WDR35: variants seen among roughly 807,000 people sequenced by gnomAD.
WDR35 encodes the protein WD repeat-containing protein 35.
A neutral mutation model predicts 158.3 loss-of-function variants in WDR35; 118 were observed. That is an observed-to-expected ratio of 0.75 (90% CI 0.64 to 0.87). WDR35 has a LOEUF of 0.87. WDR35 is among the 40% of genes least tolerant of loss of function. The pLI is 0.00. For synonymous variants in WDR35, 448 were observed against 476.1 expected, an observed-to-expected ratio of 0.94 and a Z score of 0.77; for missense variants, 1,263 against 1,405.8, an observed-to-expected ratio of 0.90 and a Z score of 1.62.
At chr2:19,952,781 C>CTTTTTTTTTTT (rs773596785) in intron 12 of WDR35, among the ~76,000 whole-genome samples, 2 of 86,266 alleles carry the variant, frequency 2.3e-5, no homozygotes, top group African/African-American at 4.6e-5. Context: ...ACTCAACATA[C>CTTTTTTTTTTT]TTTTTTTTTT....
rs776693905 is a variant in WDR35, at chr2:19,931,405, G to A, written c.2828C>T (p.Ala943Val). The A allele has an allele frequency of 1.7e-5, 27 of 1,612,884 alleles. No individual in the cohort carries two copies. The highest frequency in any genetic ancestry group is 1.5e-4 in the Admixed American group (9 of 59,976). ...FDAAKLMFKI[A>V]DEEAKKGSKP... The stretch of plus-strand genomic sequence containing the variant: ...ACTTCCTTTCTTTGCCTCTTCATCT[G>A]CAATCTTAAACATTTTTCAAAATTG... Residue 943 changes from alanine (A) to valine (V), a missense_variant, in exon 24 of 27, where the codon GCA becomes GTA. By Grantham distance (64) the Ala-to-Val change is moderately conservative. Transcript: ENST00000281405.
rs1400803073 is a variant in WDR35 at position 19,943,722 on chromosome 2, C to CA, written c.1846-1884dup. Among the ~76,000 whole-genome samples, 3 of 151,970 alleles carry CA rather than the reference C, an allele frequency of 2.0e-5. No homozygotes were observed. In the East Asian group the frequency reaches 5.8e-4, roughly 29 times the overall value. On this transcript the variant is annotated intron_variant, in intron 16 of 26. Transcript: ENST00000281405. ...GAGAAGGAAGAGCCAAGAAAAAGAA[C>CA]AAAACAGCGCAATCAGTACCTTCAG...
intron 9 of WDR35, among the ~76,000 whole-genome samples, chr2:19,967,712 A>G (rs1406761985): frequency 6.6e-6 from 1 of 152,130 alleles, no homozygotes. Flanking sequence ...ACTTTCTAAA[A>G]TAAGTTTTTT....
chr2:19,978,054 C>T (rs2045779), intron 5 of WDR35, among the ~76,000 whole-genome samples: 67,862 of 151,786 alleles, frequency 0.45, 15,357 homozygotes, highest in East Asian at 0.64. Context: ...TCACAGGATA[C>T]TGTAATTTCT....
intron 8 of WDR35, among the ~76,000 whole-genome samples, chr2:19,970,944 T>C (rs191844255): frequency 6.4e-4 from 98 of 152,356 alleles, no homozygotes; most frequent in African/African-American, 2.1e-3. Flanking sequence ...AACTGTATCA[T>C]ATTCACATTT....
chr2:19,987,218 T>C (rs1052175207), intron 2 of WDR35, among the ~76,000 whole-genome samples: 1 of 152,222 alleles, frequency 6.6e-6, no homozygotes, highest in Non-Finnish European at 1.5e-5. Flanking sequence ...AGGCATGCAA[T>C]ATCTATGATT....
chr2:19,913,670 C>T lies in WDR35; in HGVS notation c.3401G>A (p.Ser1134Asn), dbSNP rs1302038150. 1 of 1,613,936 alleles carries T rather than the reference C, an allele frequency of 6.2e-7. No individual in the cohort carries two copies. ...CCAGAATTGATACTCAGTGATTGGG[C>T]TTCCTGTGGCAACGCATGTTGGCAG... ...GKLPTCVATG[S>N]PITEYQFWMC... Residue 1134 changes from serine to asparagine, a missense_variant, in exon 27 of 27, where the codon AGC (serine) becomes AAC (asparagine). Ser to Asn is a conservative substitution (Grantham distance 46). Transcript: ENST00000281405.
intron 4 of WDR35, among the ~76,000 whole-genome samples, chr2:19,979,552 C>CA (rs936685866): frequency 5.9e-5 from 9 of 151,906 alleles, no homozygotes; most frequent in African/African-American, 1.9e-4. Flanking sequence ...AAACTAGAAG[C>CA]AAAAAAATAG....
chr2:19,980,656 T>A (rs1229527913), intron 4 of WDR35, 35 bp downstream of exon 4: 1 of 1,580,724 alleles, frequency 6.3e-7, no homozygotes, highest in Non-Finnish European at 8.7e-7. Flanking sequence ...TGCCAACTTG[T>A]GAAAAATTAA....
chr2:19,948,529 C>G (rs922465387), intron 13 of WDR35, among the ~76,000 whole-genome samples: 2 of 152,114 alleles, frequency 1.3e-5, no homozygotes, highest in Non-Finnish European at 2.9e-5. Flanking sequence ...GAGTACCTAA[C>G]TTACACCAAG....
chr2:19,922,447 T>G (rs549405526), intron 25 of WDR35, among the ~76,000 whole-genome samples: 13 of 152,182 alleles, frequency 8.5e-5, no homozygotes, highest in African/African-American at 2.9e-4. Context: ...GAAACCATCA[T>G]TCTCAGCAAA....
At chr2:19,937,612 T>C (rs2103404955) in intron 19 of WDR35, 131 bp downstream of exon 19, 1 of 1,216,624 alleles carries the variant, frequency 8.2e-7, no homozygotes, top group African/African-American at 1.5e-5. Flanking sequence ...ATCTAGGTTG[T>C]AATCCAAACT....
intron 12 of WDR35, among the ~76,000 whole-genome samples, chr2:19,952,810 ACGGAGTCT>A (rs1453863319): frequency 5.0e-4 from 51 of 101,814 alleles, no homozygotes; most frequent in Non-Finnish European, 8.3e-4. Flanking sequence ...TTTTTTTGAG[ACGGAGTCT>A]CGCTCTGTCG....
intron 11 of WDR35, among the ~76,000 whole-genome samples, chr2:19,960,218 C>T (rs1279892372): frequency 6.6e-6 from 1 of 152,046 alleles, no homozygotes; most frequent in Admixed American, 6.5e-5. Flanking sequence ...TTATTACATA[C>T]TAATCATTAC....
chr2:19,913,674 C>T lies in WDR35; in HGVS notation c.3397G>A (p.Gly1133Arg), dbSNP rs1402514632. 1 of 1,614,068 alleles carries T rather than the reference C, an allele frequency of 6.2e-7. No homozygotes were observed. Among genetic ancestry groups the T allele is most frequent in the Non-Finnish European group, 8.5e-7 (1 of 1,179,960 alleles). The change falls in exon 27 of 27, where the codon GGA (glycine) becomes AGA (arginine). Residue 1133 changes from glycine to arginine, a missense_variant. Transcript: ENST00000281405. Reference protein sequence around the residue: ...EGKLPTCVATGSPITEYQFWM... With the variant: ...EGKLPTCVATRSPITEYQFWM... ...AATTGATACTCAGTGATTGGGCTTC[C>T]TGTGGCAACGCATGTTGGCAGTTTC...
chr2:19,937,903 T>C lies in WDR35; in HGVS notation c.2107A>G (p.Thr703Ala), dbSNP rs886055405. Residue 703 changes from threonine to alanine, a missense_variant, in exon 19 of 27, where the codon ACT becomes GCT. Coordinates refer to ENST00000281405, the MANE Select transcript of WDR35 (RefSeq NM_020779.4). ...EAALQKLDLY[T>A]AEQAFVRCKD... The stretch of plus-strand genomic sequence containing the variant: ...CAGCGCACAAATGCTTGCTCTGCAG[T>C]GTATAGATCCAGTTTCTGAAGAGCT... 4.3e-6 allele frequency: 7 copies of C among 1,614,018 alleles called. No individual in the cohort carries two copies. The African/African-American group carries it at 9.3e-5, about 22-fold the overall frequency.
chr2:19,941,894 A>G, intron 16 of WDR35, 55 bp from the exon 17 acceptor site: 1 of 1,271,000 alleles, frequency 7.9e-7, no homozygotes, highest in Non-Finnish European at 1.1e-6. Flanking sequence ...CTCTCTTTTA[A>G]CAAATCATGC....
At chr2:19,946,386 T>C (rs1220698539) in intron 15 of WDR35, 75 bp downstream of exon 15, 20 of 1,230,722 alleles carry the variant, frequency 1.6e-5, no homozygotes, top group Non-Finnish European at 2.3e-5. Flanking sequence ...TTTACATTTA[T>C]TACATATAAA....
At chr2:19,915,105 TAGATTTAATATTA>T (rs1669951926) in intron 25 of WDR35, among the ~76,000 whole-genome samples, 1 of 122,042 alleles carries the variant, frequency 8.2e-6, no homozygotes, top group African/African-American at 3.0e-5. Context: ...GACTTAATAT[TAGATTTAATATTA>T]AGATTTAATA....
Sources: allele counts gnomAD v4.1 joint callset (sites outside exome capture counted in the v4.1 genomes callset), GRCh38; gene constraint gnomAD v4.1.1; transcripts MANE v1.5; gene names NCBI Gene and HGNC (gene_info 2026-07-23, HGNC 2026-07-21).